The following TLE1 variants were observed in gnomAD, a reference collection of about 807,000 sequenced individuals.
TLE1 encodes the protein transducin-like enhancer protein 1.
TLE1 carries 21 observed loss-of-function variants against 89.8 expected under a neutral mutation model. The ratio of observed to expected loss-of-function variants is 0.23; its 90% CI spans 0.17 to 0.34. TLE1 has a LOEUF of 0.34. Among genes scored for constraint, TLE1 ranks in the 10% least tolerant of loss-of-function variants. The probability of loss-of-function intolerance (pLI) is 1.00; values close to 1 mark genes in which losing one functional copy is unlikely to be tolerated. For synonymous variants in TLE1, 447 were observed against 407.6 expected (o/e 1.10, Z -1.16); for missense variants, 795 against 1,031.2 (o/e 0.77, Z 3.14).
chr9:81,672,556 G>C (rs919127597), intron 4 of TLE1, among the ~76,000 whole-genome samples: 2 of 151,488 alleles, frequency 1.3e-5, no homozygotes, highest in South Asian at 4.2e-4. Context: ...TGGAGTAGAC[G>C]AAGAAAGACA....
chr9:81,673,193 A>G (rs1353590260), intron 4 of TLE1, among the ~76,000 whole-genome samples: 1 of 150,392 alleles, frequency 6.6e-6, no homozygotes, highest in Non-Finnish European at 1.5e-5. Flanking sequence ...GAATCGCTTG[A>G]ACCTGGGAGG....
chr9:81,673,078 G>C (rs181108089), intron 4 of TLE1, among the ~76,000 whole-genome samples: 2 of 151,906 alleles, frequency 1.3e-5, no homozygotes, highest in East Asian at 2.0e-4. Context: ...TTTGTGACCA[G>C]CCTGGCCAAC....
At chr9:81,657,383 C>T (rs1429430690) in intron 4 of TLE1, among the ~76,000 whole-genome samples, 1 of 152,164 alleles carries the variant, frequency 6.6e-6, no homozygotes, top group Admixed American at 6.5e-5. Flanking sequence ...AAAAGCCATT[C>T]TTACTTTTCT....
chr9:81,681,215 C>T lies in TLE1; in HGVS notation c.234+4461G>A. Among the ~76,000 whole-genome samples the T allele has an allele frequency of 1.3e-5, 2 of 152,110 alleles. 1 individual carries two copies. Among genetic ancestry groups the T allele is most frequent in the Non-Finnish European group, 2.9e-5 (2 of 68,016 alleles). On this transcript the variant is annotated intron_variant, in intron 4 of 19. Coordinates refer to ENST00000376499, the MANE Select transcript of TLE1 (RefSeq NM_005077.5). ...AGGATTGCAGAATATATCATCCTTC[C>T]TTTCAGATTTTCAGAGCTAGTCTTT...
At chr9:81,623,256 A>C (rs1825503005) in intron 8 of TLE1, among the ~76,000 whole-genome samples, 1 of 152,020 alleles carries the variant, frequency 6.6e-6, no homozygotes, top group Non-Finnish European at 1.5e-5. Context: ...TGTGTTGCTT[A>C]TGGCTCCAGG....
chr9:81,679,988 AAAG>A (rs1204882743), intron 4 of TLE1, among the ~76,000 whole-genome samples: 1 of 152,086 alleles, frequency 6.6e-6, no homozygotes, highest in Admixed American at 6.5e-5. Flanking sequence ...AATATTTACT[AAAG>A]AAACAGATTT....
chr9:81,596,309 G>C (rs535102264), intron 14 of TLE1, among the ~76,000 whole-genome samples: 1 of 152,114 alleles, frequency 6.6e-6, no homozygotes, highest in Non-Finnish European at 1.5e-5. Flanking sequence ...AAGCCCATAT[G>C]GATGTTAATA....
At chr9:81,674,111 G>T (rs1023151042) in intron 4 of TLE1, among the ~76,000 whole-genome samples, 2 of 152,144 alleles carry the variant, frequency 1.3e-5, no homozygotes, top group Non-Finnish European at 2.9e-5. Flanking sequence ...CCATCAACTA[G>T]ATGTTCCCAC....
chr9:81,630,185 C>CA, intron 8 of TLE1, among the ~76,000 whole-genome samples: 1 of 151,904 alleles, frequency 6.6e-6, no homozygotes, highest in Middle Eastern at 3.4e-3. Context: ...CAAAGGTTCT[C>CA]AGACTTTGGT....
intron 6 of TLE1, among the ~76,000 whole-genome samples, chr9:81,642,188 A>G (rs1365473644): frequency 2.0e-5 from 3 of 152,210 alleles, no homozygotes; most frequent in African/African-American, 7.2e-5. Flanking sequence ...AACAGTATAG[A>G]GGTTTCTCAA....
rs35060460 is a variant in TLE1, at chr9:81,675,698, G to GTTTTTTTTTTTTTTTTTTTT, written c.234+9977_234+9978insAAAAAAAAAAAAAAAAAAAA. ...AATTTTAGCATAAGGACTCACACTA[G>GTTTTTTTTTTTTTTTTTTTT]TTTTTTTTTGTTTTTTTTTTTGAGA... On this transcript the variant is annotated intron_variant, in intron 4 of 19. Coordinates refer to ENST00000376499, the MANE Select transcript of TLE1 (RefSeq NM_005077.5). 3.2e-3 allele frequency among the ~76,000 whole-genome samples: 420 copies of GTTTTTTTTTTTTTTTTTTTT among 129,534 alleles called. 78 individuals carry two copies. The highest frequency in any genetic ancestry group is 0.01 in the African/African-American group (309 of 30,332). The allele number at this position is 129,534 out of a possible 152,430, so 85.0% of individuals were successfully genotyped here. A position where few individuals can be genotyped will look rare whatever the true frequency, so the allele number is the denominator to read the frequency against.
intron 9 of TLE1, among the ~76,000 whole-genome samples, chr9:81,617,684 A>G (rs577418402): frequency 5.3e-5 from 8 of 152,198 alleles, no homozygotes; most frequent in Non-Finnish European, 1.2e-4. Flanking sequence ...CCTAGCCGAC[A>G]TAGCAAGACT....
intron 6 of TLE1, among the ~76,000 whole-genome samples, chr9:81,651,348 G>A (rs529327501): frequency 2.6e-5 from 4 of 152,282 alleles, no homozygotes; most frequent in South Asian, 2.1e-4. Context: ...AGTGGGGGGC[G>A]GAGGATGAAC....
intron 6 of TLE1, among the ~76,000 whole-genome samples, chr9:81,651,723 T>G (rs1829562470): frequency 6.6e-6 from 1 of 152,126 alleles, no homozygotes. Flanking sequence ...AAGACAGAAG[T>G]GAGGAAAGTA....
At chr9:81,670,725 A>AAC (rs1554698812) in intron 4 of TLE1, among the ~76,000 whole-genome samples, 1 of 13,822 alleles carries the variant, frequency 7.2e-5, no homozygotes, top group Non-Finnish European at 1.5e-4. Flanking sequence ...AAAAAAAAAA[A>AAC]TTAAAAAAAA....
At chr9:81,688,135 G>A (rs993561960) in intron 1 of TLE1, 82 bp downstream of exon 1, 26 of 1,561,586 alleles carry the variant, frequency 1.7e-5, no homozygotes, top group Non-Finnish European at 2.1e-5. Flanking sequence ...CCGGGCCTCA[G>A]AAGCCACCAG....
At chr9:81,682,384 A>G (rs1458698036) in intron 4 of TLE1, among the ~76,000 whole-genome samples, 1 of 152,178 alleles carries the variant, frequency 6.6e-6, no homozygotes, top group African/African-American at 2.4e-5. Flanking sequence ...TAGGCAGAGC[A>G]AAACACCTAC....
chr9:81,625,545 T>G (rs1825790659), intron 8 of TLE1, among the ~76,000 whole-genome samples: 1 of 151,456 alleles, frequency 6.6e-6, no homozygotes, highest in Non-Finnish European at 1.5e-5. Flanking sequence ...GGCCAATATA[T>G]TCTTTTAAAA....
intron 13 of TLE1, among the ~76,000 whole-genome samples, chr9:81,611,265 G>C (rs756804367): frequency 7.2e-5 from 11 of 152,086 alleles, no homozygotes; most frequent in Non-Finnish European, 1.3e-4. Context: ...AATTCTACCT[G>C]TTTACAGAGA....
Sources: allele counts gnomAD v4.1 joint callset (sites outside exome capture counted in the v4.1 genomes callset), GRCh38; gene constraint gnomAD v4.1.1; transcripts MANE v1.5; gene names NCBI Gene and HGNC (gene_info 2026-07-23, HGNC 2026-07-21).